FGFBP2: variants seen among roughly 807,000 people sequenced by gnomAD.
The protein encoded by FGFBP2 is fibroblast growth factor binding protein 2.
Under a neutral mutation model 7.3 loss-of-function variants are expected in FGFBP2, and 7 were observed. The ratio of observed to expected loss-of-function variants is 0.96; its 90% confidence interval spans 0.55 to 1.81. The LOEUF (loss-of-function observed/expected upper bound fraction) is 1.81, where lower values mean the gene tolerates loss of function less well. FGFBP2 is among the 40% of genes most tolerant of loss of function. The pLI, the probability that FGFBP2 is intolerant of heterozygous loss-of-function variation, is 0.00. For missense variants in FGFBP2, 291 were observed against 280.1 expected, an observed-to-expected ratio of 1.04 and a Z score of -0.28; for synonymous variants, 131 against 110.2, an observed-to-expected ratio of 1.19 and a Z score of -1.18.
At position 15,962,762 on chromosome 4, in the gene FGFBP2, T is replaced by C; in HGVS notation, c.368A>G (p.Gln123Arg). Residue 123 changes from glutamine (Q) to arginine (R), a missense_variant, in exon 1 of 2, where the codon CAG becomes CGG. Transcript: ENST00000259989. Reference sequence around the variant, plus strand: ...GGAAGTCACCTGCTGCATATGGGCCTGGGGTCCAGCCTCCCTGCACACGGA... The same window carrying C: ...GGAAGTCACCTGCTGCATATGGGCCCGGGGTCCAGCCTCCCTGCACACGGA... ...RPSVCREAGP[Q>R]AHMQQVTSSL... 1 of 1,606,774 alleles carries C rather than the reference T, an allele frequency of 6.2e-7. No individual in the cohort carries two copies. Among genetic ancestry groups the C allele is most frequent in the Non-Finnish European group, 8.5e-7 (1 of 1,176,156 alleles).
Position 15,962,804 on chromosome 4 carries a change from GC to G in FGFBP2, c.325del (p.Ala109ProfsTer21). Reference protein sequence around the residue: ...LRRLHHACQGAPVLRPSVCRE... With the variant: ...LRRLHHACQGXPVLRPSVCRE... ...GCACACGGATGGCCTAAGCACCGGG[GC>G]CCCCTGGCACGCATGGTGAAGGCGC... is the stretch of plus-strand genomic sequence containing the variant. On this transcript the variant is annotated frameshift_variant, in exon 1 of 2. Transcript: ENST00000259989. LOFTEE classifies it low-confidence loss of function (END_TRUNC). The G allele has an allele frequency of 1.3e-6, 2 of 1,579,326 alleles. No individual in the cohort carries two copies.
chr4:15,961,708 A>T (rs919968842), intron 1 of FGFBP2, among the ~76,000 whole-genome samples: 5 of 152,224 alleles, frequency 3.3e-5, no homozygotes, highest in Admixed American at 3.3e-4. Context: ...TTAAGGATAG[A>T]GATCAGTAAT....
At position 15,963,051 on chromosome 4, in the gene FGFBP2, C is replaced by A. The variant is rs768845048; in HGVS notation, c.79G>T (p.Gly27Ter). 2 of 1,614,048 alleles carry A rather than the reference C, an allele frequency of 1.2e-6. No individual in the cohort carries two copies. Among genetic ancestry groups the A allele is most frequent in the Admixed American group, 1.7e-5 (1 of 60,028 alleles). Residue 27 changes from glycine to a stop codon, truncating the protein, a stop_gained, in exon 1 of 2, where the codon GGA becomes TGA. Coordinates refer to ENST00000259989, the MANE Select transcript of FGFBP2 (RefSeq NM_031950.4). LOFTEE classifies it high-confidence loss of function. Reference protein sequence around the residue: ...TLGQAPRQKQGSTGEEFHFQT... With the variant: ...TLGQAPRQKQ ...AAATGGAATTCCTCCCCAGTGCTTCCTTGCTTTTGCCTCGGGGCCTGACCC... is the reference window on the plus strand; with the variant it reads ...AAATGGAATTCCTCCCCAGTGCTTCATTGCTTTTGCCTCGGGGCCTGACCC...
chr4:15,961,904 A>T (rs1042073158), intron 1 of FGFBP2, among the ~76,000 whole-genome samples: 3 of 152,042 alleles, frequency 2.0e-5, no homozygotes, highest in African/African-American at 7.2e-5. Context: ...AACACTCCCC[A>T]CCCTAACTTG....
In FGFBP2 at chr4:15,963,072, G is replaced by A. The variant is rs1181480951; in HGVS notation, c.58C>T (p.Gln20Ter). The A allele has an allele frequency of 1.9e-6, 3 of 1,613,196 alleles. No individual in the cohort carries two copies. Among genetic ancestry groups the A allele is most frequent in the Non-Finnish European group, 2.5e-6 (3 of 1,179,558 alleles). The change falls in exon 1 of 2, where the codon CAG (glutamine) becomes TAG (stop). Residue 20 changes from glutamine (Q) to a stop codon, truncating the protein, a stop_gained. Coordinates refer to ENST00000259989, the MANE Select transcript of FGFBP2 (RefSeq NM_031950.4). LOFTEE classifies it high-confidence loss of function. ...CTTCCTTGCTTTTGCCTCGGGGCCT[G>A]ACCCAAAGTCCCCAGGCAGGACAAG... ...VTLSCLGTLGQAPRQKQGSTG... is the reference protein window; with the variant it reads ...VTLSCLGTLG
Position 15,962,796 on chromosome 4 carries a change from G to T in FGFBP2, c.334C>A (p.Leu112Ile), listed in dbSNP as rs538145303. Residue 112 changes from leucine to isoleucine, a missense_variant, in exon 1 of 2, where the codon CTT becomes ATT. By Grantham distance (5) the Leu-to-Ile change is conservative. Transcript: ENST00000259989. ...LHHACQGAPV[L>I]RPSVCREAGP... ...GCCTCCCTGCACACGGATGGCCTAA[G>T]CACCGGGGCCCCCTGGCACGCATGG... The T allele has an allele frequency of 1.3e-6, 2 of 1,584,292 alleles. No individual in the cohort carries two copies. The highest frequency in any genetic ancestry group is 2.2e-5 in the East Asian group (1 of 44,498).
Position 15,962,520 on chromosome 4 carries a change from C to G in FGFBP2, c.610G>C (p.Glu204Gln), listed in dbSNP as rs756672724. 6 of 1,610,108 alleles carry G rather than the reference C, an allele frequency of 3.7e-6. No individual in the cohort carries two copies. The highest frequency in any genetic ancestry group is 5.1e-6 in the Non-Finnish European group (6 of 1,177,458). Reference protein sequence around the residue: ...GNEEAKKKAWEHCWKPFQALC... With the variant: ...GNEEAKKKAWQHCWKPFQALC... ...GCCTGGAAGGGTTTCCAACAATGTTCCCAGGCCTTCTTCTTTGCTTCCTCA... is the reference window on the plus strand; with the variant it reads ...GCCTGGAAGGGTTTCCAACAATGTTGCCAGGCCTTCTTCTTTGCTTCCTCA... The change falls in exon 1 of 2, where the codon GAA becomes CAA. Residue 204 changes from glutamate to glutamine, a missense_variant. Glu to Gln is a conservative substitution (Grantham distance 29, BLOSUM62 2). Transcript: ENST00000259989.
Position 15,962,898 on chromosome 4 carries a change from G to T in FGFBP2, c.232C>A (p.Pro78Thr). 1 of 1,572,428 alleles carries T rather than the reference G, an allele frequency of 6.4e-7. No homozygotes were observed. The highest frequency in any genetic ancestry group is 8.6e-7 in the Non-Finnish European group (1 of 1,159,182). ...GCAGCGAAAGCCTGGCACATGCTGG[G>T]CTGCCCCCTGTACTCACACCAGTAG... is the stretch of plus-strand genomic sequence containing the variant. ...QTYWCEYRGQ[P>T]SMCQAFAADP... Residue 78 changes from proline to threonine, a missense_variant, in exon 1 of 2, where the codon CCC (proline) becomes ACC (threonine). Coordinates refer to ENST00000259989, the MANE Select transcript of FGFBP2 (RefSeq NM_031950.4).
At position 15,962,589 on chromosome 4, in the gene FGFBP2, G is replaced by A; in HGVS notation, c.541C>T (p.Pro181Ser). 1 of 1,614,172 alleles carries A rather than the reference G, an allele frequency of 6.2e-7. No homozygotes were observed. Among genetic ancestry groups the A allele is most frequent in the South Asian group, 1.1e-5 (1 of 91,078 alleles). ...ELGKAKPTTR[P>S]TAKPTQPGPR... ...CCAGGCTGGGTAGGTTTGGCTGTGG[G>A]TCGGGTGGTGGGTTTGGCTTTTCCC... The change falls in exon 1 of 2, where the codon CCC (proline) becomes TCC (serine). Residue 181 changes from proline to serine, a missense_variant. Pro to Ser is a moderately conservative substitution (Grantham distance 74). Coordinates refer to ENST00000259989, the MANE Select transcript of FGFBP2 (RefSeq NM_031950.4).
rs376914503 is a variant in FGFBP2 at position 15,962,738 on chromosome 4, G to C, written c.392C>G (p.Ser131Cys). ...GPQAHMQQVT[S>C]SLKGSPEPNQ... is the part of the protein sequence containing the mutation. ...GGGCTCTGGGCTGCCCTTGAGGCTG[G>C]AAGTCACCTGCTGCATATGGGCCTG... Residue 131 changes from serine to cysteine, a missense_variant, in exon 1 of 2, where the codon TCC becomes TGC. Coordinates refer to ENST00000259989, the MANE Select transcript of FGFBP2 (RefSeq NM_031950.4). 13 of 1,612,490 alleles carry C rather than the reference G, an allele frequency of 8.1e-6. No individual in the cohort carries two copies. The African/African-American group carries it at 1.6e-4, about 20-fold the overall frequency.
In FGFBP2 at chr4:15,962,720, G is replaced by A. The variant is rs1316791044; in HGVS notation, c.410C>T (p.Pro137Leu). The change falls in exon 1 of 2, where the codon CCA becomes CTA. Residue 137 changes from proline to leucine, a missense_variant. Transcript: ENST00000259989. ...QQVTSSLKGS[P>L]EPNQQPEAGT... ...AGCCTCAGGCTGCTGGTTGGGCTCT[G>A]GGCTGCCCTTGAGGCTGGAAGTCAC... is the stretch of plus-strand genomic sequence containing the variant. The A allele has an allele frequency of 3.1e-6, 5 of 1,613,694 alleles. No individual in the cohort carries two copies. The African/African-American group carries it at 5.3e-5, about 17-fold the overall frequency.
At chr4:15,962,392 G>A (rs1713108624) in intron 1 of FGFBP2, 46 bp downstream of exon 1, 1 of 1,384,582 alleles carries the variant, frequency 7.2e-7, no homozygotes, top group South Asian at 1.4e-5. Context: ...CTGTATATAA[G>A]TATATACACG....
At chr4:15,962,388 A>T in intron 1 of FGFBP2, 50 bp downstream of exon 1, 1 of 1,431,278 alleles carries the variant, frequency 7.0e-7, no homozygotes, top group South Asian at 1.5e-5. Flanking sequence ...GTCTCTGTAT[A>T]TAAGTATATA....
At position 15,960,302 on chromosome 4, in the gene FGFBP2, A is replaced by G. The variant is rs113523111; in HGVS notation, c.*330T>C. ...ATAGCTGCTATTTACTGAACACTGG[A>G]AATTCATGAATGCGTTACATATTTA... On this transcript the variant is annotated 3_prime_UTR_variant, in exon 2 of 2. Transcript: ENST00000259989. The G allele has an allele frequency of 4.6e-4, 70 of 152,350 alleles. No homozygotes were observed. The highest frequency in any genetic ancestry group is 1.6e-3 in the African/African-American group (68 of 41,580). 9.4% of individuals were successfully genotyped at this position (152,350 alleles called of 1,614,324 possible).
chr4:15,961,818 C>T (rs113620975), intron 1 of FGFBP2, among the ~76,000 whole-genome samples: 2 of 152,062 alleles, frequency 1.3e-5, no homozygotes, highest in African/African-American at 4.8e-5. Context: ...CTGTGATGAA[C>T]AAAAAACAAT....
Position 15,962,955 on chromosome 4 carries a change from G to C in FGFBP2, c.175C>G (p.Leu59Val). Residue 59 changes from leucine to valine, a missense_variant, in exon 1 of 2, where the codon CTT becomes GTT. Transcript: ENST00000259989. ...SLGQGAGEVW[L>V]RVDCRNTDQT... ...TCTGTGTTGCGGCAGTCGACACGAA[G>C]CCAGACTTCTCCAGCACCTTGCCCC... 6.2e-7 allele frequency: 1 copy of C among 1,611,342 alleles called. No homozygotes were observed. The highest frequency in any genetic ancestry group is 8.5e-7 in the Non-Finnish European group (1 of 1,179,254).
chr4:15,963,023 T>C lies in FGFBP2; in HGVS notation c.107A>G (p.Gln36Arg), dbSNP rs1420273924. The C allele has an allele frequency of 9.3e-6, 15 of 1,614,164 alleles. No homozygotes were observed. The highest frequency in any genetic ancestry group is 1.2e-5 in the Non-Finnish European group (14 of 1,180,030). Residue 36 changes from glutamine (Q) to arginine (R), a missense_variant, in exon 1 of 2, where the codon CAG becomes CGG. By Grantham distance (43) the Gln-to-Arg change is conservative (BLOSUM62 1). Coordinates refer to ENST00000259989, the MANE Select transcript of FGFBP2 (RefSeq NM_031950.4). Reference sequence around the variant, plus strand: ...AGTGCAGGAATCTCTCCCTCCAGTCTGGAAATGGAATTCCTCCCCAGTGCT... The same window carrying C: ...AGTGCAGGAATCTCTCCCTCCAGTCCGGAAATGGAATTCCTCCCCAGTGCT... ...QGSTGEEFHF[Q>R]TGGRDSCTMR...
chr4:15,962,972 C>G lies in FGFBP2; in HGVS notation c.158G>C (p.Gly53Ala), dbSNP rs2148950464. The G allele has an allele frequency of 6.2e-7, 1 of 1,613,446 alleles. No homozygotes were observed. Among genetic ancestry groups the G allele is most frequent in the South Asian group, 1.1e-5 (1 of 91,078 alleles). ...GACACGAAGCCAGACTTCTCCAGCA[C>G]CTTGCCCCAAGCTGCTGGGACGCAT... ...CTMRPSSLGQGAGEVWLRVDC... is the reference protein window; with the variant it reads ...CTMRPSSLGQAAGEVWLRVDC... Residue 53 changes from glycine to alanine, a missense_variant, in exon 1 of 2, where the codon GGT (glycine) becomes GCT (alanine). Physicochemically the swap from Gly to Ala is moderately conservative, Grantham distance 60 (BLOSUM62 0). Coordinates refer to ENST00000259989, the MANE Select transcript of FGFBP2 (RefSeq NM_031950.4).
chr4:15,962,394 A>G (rs1461320353), intron 1 of FGFBP2, 44 bp downstream of exon 1: 1 of 1,459,794 alleles, frequency 6.9e-7, no homozygotes. Flanking sequence ...GTATATAAGT[A>G]TATACACGTA....
Sources: allele counts gnomAD v4.1 joint callset (sites outside exome capture counted in the v4.1 genomes callset), GRCh38; gene constraint gnomAD v4.1.1; transcripts MANE v1.5; gene names NCBI Gene and HGNC (gene_info 2026-07-23, HGNC 2026-07-21).